The following LRRC1 variants were observed in gnomAD, a reference collection of about 807,000 sequenced individuals.
LRRC1 encodes leucine-rich repeat-containing protein 1.
Under a neutral mutation model 69.9 loss-of-function variants are expected in LRRC1, and 28 were observed. That is an observed-to-expected ratio of 0.40 (90% confidence interval 0.30 to 0.55). LRRC1 has a LOEUF of 0.55. Among genes scored for constraint, LRRC1 ranks in the 20% least tolerant of loss-of-function variants. The pLI, the probability that LRRC1 is intolerant of heterozygous loss-of-function variation, is 0.47. For missense variants in LRRC1, 498 were observed against 609.0 expected (o/e 0.82, Z 1.92); for synonymous variants, 236 against 240.2 (o/e 0.98, Z 0.16).
chr6:53,919,339 G>A, intron 11 of LRRC1, 159 bp from the exon 12 acceptor site: 1 of 460,166 alleles, frequency 2.2e-6, no homozygotes, highest in Non-Finnish European at 3.6e-6. Flanking sequence ...CACTTGCAAA[G>A]AGTATGTTGC....
chr6:53,913,686 C>T (rs749847143), intron 10 of LRRC1, among the ~76,000 whole-genome samples, 168 bp from the exon 11 acceptor site: 13 of 151,998 alleles, frequency 8.6e-5, no homozygotes, highest in Non-Finnish European at 1.6e-4. Context: ...TATGGGGCTG[C>T]GTTTTGTAAG....
In LRRC1 at chr6:53,795,502, C is replaced by T. The variant is rs1764269069; in HGVS notation, c.159+87C>T. 4.4e-6 allele frequency: 6 copies of T among 1,363,386 alleles called. No homozygotes were observed. The South Asian group carries it at 4.4e-5, about 10-fold the overall frequency. The allele number at this position is 1,363,386 out of a possible 1,614,324, so 84.5% of individuals were successfully genotyped here. On this transcript the variant is annotated intron_variant, in intron 1 of 13. Coordinates refer to ENST00000370888, the MANE Select transcript of LRRC1 (RefSeq NM_018214.5). ...CCTCTCTCGTCCCCTCTTCCATCTC[C>T]GGGTCCGGCGTGAAGGAACCTTCCC...
chr6:53,802,281 G>T (rs1764508893), intron 1 of LRRC1, among the ~76,000 whole-genome samples: 1 of 152,176 alleles, frequency 6.6e-6, no homozygotes, highest in African/African-American at 2.4e-5. Flanking sequence ...GACCAGGCAG[G>T]GGCTCGTTGC....
At chr6:53,917,612 A>G (rs1284493025) in intron 11 of LRRC1, among the ~76,000 whole-genome samples, 1 of 152,178 alleles carries the variant, frequency 6.6e-6, no homozygotes, top group Non-Finnish European at 1.5e-5. Context: ...ACGTTTGAGT[A>G]TCTGTGTTTT....
intron 2 of LRRC1, among the ~76,000 whole-genome samples, chr6:53,866,538 A>G (rs1766709502): frequency 6.6e-6 from 1 of 152,170 alleles, no homozygotes; most frequent in Non-Finnish European, 1.5e-5. Flanking sequence ...AATAGATTTT[A>G]TGGATAATCA....
intron 13 of LRRC1, among the ~76,000 whole-genome samples, chr6:53,921,303 C>G (rs1254271801): frequency 1.3e-5 from 2 of 152,130 alleles, no homozygotes; most frequent in Non-Finnish European, 2.9e-5. Context: ...TATGGTGCTT[C>G]TTTTTCTTTA....
At chr6:53,903,990 C>G (rs1768150570) in intron 9 of LRRC1, among the ~76,000 whole-genome samples, 1 of 152,190 alleles carries the variant, frequency 6.6e-6, no homozygotes, top group Non-Finnish European at 1.5e-5. Context: ...GATTCCCTGC[C>G]CCAGTGCTCT....
intron 1 of LRRC1, among the ~76,000 whole-genome samples, chr6:53,838,268 T>C (rs1347220125): frequency 6.6e-6 from 1 of 152,182 alleles, no homozygotes; most frequent in Non-Finnish European, 1.5e-5. Flanking sequence ...TCAGATGGGG[T>C]TGTTTTTACA....
At chr6:53,818,511 T>C (rs2127408063) in intron 1 of LRRC1, among the ~76,000 whole-genome samples, 1 of 152,354 alleles carries the variant, frequency 6.6e-6, no homozygotes, top group South Asian at 2.1e-4. Flanking sequence ...CAGAATTAAA[T>C]AAAGTTTTAT....
At chr6:53,917,600 C>T (rs1247192481) in intron 11 of LRRC1, among the ~76,000 whole-genome samples, 1 of 152,104 alleles carries the variant, frequency 6.6e-6, no homozygotes, top group Non-Finnish European at 1.5e-5. Flanking sequence ...GTTACAGTGA[C>T]CACGTTTGAG....
intron 1 of LRRC1, among the ~76,000 whole-genome samples, chr6:53,815,996 T>C (rs1040461404): frequency 6.6e-6 from 1 of 152,208 alleles, no homozygotes; most frequent in South Asian, 2.1e-4. Flanking sequence ...TCATCTCTGC[T>C]TTGTAACTTT....
chr6:53,806,404 C>T (rs897813995), intron 1 of LRRC1, among the ~76,000 whole-genome samples: 10 of 152,044 alleles, frequency 6.6e-5, no homozygotes, highest in Non-Finnish European at 1.0e-4. Flanking sequence ...CATGAAGAAC[C>T]GGGCAGTCTA....
chr6:53,896,676 C>A (rs1767885035), intron 5 of LRRC1, 122 bp downstream of exon 5: 1 of 1,049,198 alleles, frequency 9.5e-7, no homozygotes, highest in Non-Finnish European at 1.4e-6. Context: ...GGGATGCCAG[C>A]CGGCCTTTTC....
At chr6:53,820,285 C>G (rs1765080497) in intron 1 of LRRC1, among the ~76,000 whole-genome samples, 1 of 151,632 alleles carries the variant, frequency 6.6e-6, no homozygotes, top group Non-Finnish European at 1.5e-5. Flanking sequence ...GTATACTCTT[C>G]AGCAAGTTAA....
intron 3 of LRRC1, among the ~76,000 whole-genome samples, chr6:53,882,353 G>A (rs1165033984): frequency 6.6e-6 from 1 of 152,104 alleles, no homozygotes; most frequent in East Asian, 1.9e-4. Flanking sequence ...ATCTCAAAAA[G>A]AAAGGAAAGT....
intron 1 of LRRC1, among the ~76,000 whole-genome samples, chr6:53,813,858 A>C (rs1764873215): frequency 6.6e-6 from 1 of 152,190 alleles, no homozygotes; most frequent in Admixed American, 6.5e-5. Flanking sequence ...TAAGGAACTA[A>C]GTAAGTAGCT....
At chr6:53,912,803 C>A (rs1768454673) in intron 10 of LRRC1, among the ~76,000 whole-genome samples, 2 of 152,198 alleles carry the variant, frequency 1.3e-5, no homozygotes, top group African/African-American at 4.8e-5. Context: ...TGCTCTTTCA[C>A]AAGTGGGAGG....
At chr6:53,883,026 A>ATCATCAGC in intron 4 of LRRC1, 50 bp downstream of exon 4, 1 of 1,148,354 alleles carries the variant, frequency 8.7e-7, no homozygotes, top group South Asian at 1.3e-5. Flanking sequence ...GGGGGTTTAT[A>ATCATCAGC]TCATCAGCTC....
At chr6:53,878,929 C>G in intron 2 of LRRC1, 64 bp from the exon 3 acceptor site, 1 of 926,974 alleles carries the variant, frequency 1.1e-6, no homozygotes, top group Non-Finnish European at 1.7e-6. Context: ...TGTGATCCAT[C>G]TTGAGAGTGA....
Sources: allele counts gnomAD v4.1 joint callset (sites outside exome capture counted in the v4.1 genomes callset), GRCh38; gene constraint gnomAD v4.1.1; transcripts MANE v1.5; gene names NCBI Gene and HGNC (gene_info 2026-07-23, HGNC 2026-07-21).